DYM: variants seen among roughly 807,000 people sequenced by gnomAD.
DYM encodes dymeclin.
A neutral mutation model predicts 93.1 loss-of-function variants in DYM; 78 were observed. The ratio of observed to expected loss-of-function variants is 0.84; its 90% CI spans 0.70 to 1.01. The LOEUF (loss-of-function observed/expected upper bound fraction) is 1.01, where lower values mean the gene tolerates loss of function less well. DYM is among the 50% of genes least tolerant of loss of function. The pLI is 0.00. For missense variants in DYM, 789 were observed against 845.0 expected, an observed-to-expected ratio of 0.93 and a Z score of 0.82; for synonymous variants, 321 against 319.7, an observed-to-expected ratio of 1.00 and a Z score of -0.04.
chr18:49,099,375 T>C (rs16950335), intron 16 of DYM, among the ~76,000 whole-genome samples: 2,343 of 152,286 alleles, frequency 0.015, 58 homozygotes, highest in African/African-American at 0.053. Flanking sequence ...AGGGACCTTC[T>C]ATTATACATC....
At chr18:49,146,218 A>G (rs1054325090) in intron 15 of DYM, among the ~76,000 whole-genome samples, 2 of 152,238 alleles carry the variant, frequency 1.3e-5, no homozygotes, top group African/African-American at 4.8e-5. Flanking sequence ...GCTATTTATG[A>G]CAAACCCACA....
At chr18:49,393,604 C>T (rs1265499966) in intron 2 of DYM, 2 of 152,100 alleles carry the variant, frequency 1.3e-5, no homozygotes, top group Non-Finnish European at 2.9e-5. Context: ...AACCCCATCT[C>T]TACTAAAAAT....
intron 6 of DYM, among the ~76,000 whole-genome samples, chr18:49,361,490 T>G (rs1416959557): frequency 6.6e-6 from 1 of 152,240 alleles, no homozygotes; most frequent in Non-Finnish European, 1.5e-5. Context: ...ATTTCAAAAA[T>G]AATTCCTTGT....
At chr18:49,133,132 C>T (rs191320933) in intron 15 of DYM, among the ~76,000 whole-genome samples, 3 of 152,262 alleles carry the variant, frequency 2.0e-5, no homozygotes, top group African/African-American at 7.2e-5. Flanking sequence ...AGATGGCATT[C>T]TCAACAGAGC....
rs1358389908 is a variant in DYM at position 49,286,491 on chromosome 18, C to A, written c.889G>T (p.Ala297Ser). 1.2e-6 allele frequency: 2 copies of A among 1,614,038 alleles called. No homozygotes were observed. Among genetic ancestry groups the A allele is most frequent in the African/African-American group, 2.7e-5 (2 of 74,930 alleles). Residue 297 changes from alanine (A) to serine (S), a missense_variant, in exon 9 of 18, where the codon GCC (alanine) becomes TCC (serine). By Grantham distance (99) the Ala-to-Ser change is moderately conservative. Transcript: ENST00000675505. ...CTGTAGGGGTTTGGCGCATCTGAGG[C>A]ATCTGTCAGATTGGCCAACACCAGC... ...LLLVLANLTD[A>S]SDAPNPYRQA...
intron 14 of DYM, among the ~76,000 whole-genome samples, chr18:49,187,044 C>CT (rs2090511064): frequency 6.6e-6 from 1 of 151,610 alleles, no homozygotes; most frequent in Non-Finnish European, 1.5e-5. Context: ...CTCAGCCGTC[C>CT]GAGTAGCTGG....
chr18:49,451,359 T>A (rs1215856727), intron 1 of DYM, among the ~76,000 whole-genome samples: 1 of 152,210 alleles, frequency 6.6e-6, no homozygotes, highest in Non-Finnish European at 1.5e-5. Context: ...AGTGTATGCT[T>A]CCCTTTAAGG....
intron 8 of DYM, among the ~76,000 whole-genome samples, chr18:49,329,289 TG>T (rs1292695431): frequency 5.0e-4 from 4 of 7,982 alleles, no homozygotes; most frequent in South Asian, 3.7e-3. Context: ...TGTTGTGGGG[TG>T]GGGGGGAGGG....
chr18:49,068,914 T>A (rs928571131), intron 17 of DYM, among the ~76,000 whole-genome samples: 12 of 152,270 alleles, frequency 7.9e-5, no homozygotes, highest in African/African-American at 2.9e-4. Context: ...TGATGTTTTT[T>A]CATAAATACA....
chr18:49,413,334 C>T (rs916289344), intron 2 of DYM, among the ~76,000 whole-genome samples: 1 of 152,124 alleles, frequency 6.6e-6, no homozygotes, highest in Non-Finnish European at 1.5e-5. Context: ...AATAACAGAA[C>T]TAAAAAAATG....
intron 15 of DYM, among the ~76,000 whole-genome samples, chr18:49,156,732 CAAAAA>C (rs1224742522): frequency 1.6e-5 from 1 of 63,192 alleles, no homozygotes; most frequent in African/African-American, 5.2e-5. Flanking sequence ...AACGCTGTCT[CAAAAA>C]AAAAAAAAAA....
At chr18:49,055,643 A>T (rs1438093045) in intron 17 of DYM, among the ~76,000 whole-genome samples, 1 of 152,148 alleles carries the variant, frequency 6.6e-6, no homozygotes, top group Non-Finnish European at 1.5e-5. Flanking sequence ...TTCTCAACAG[A>T]TTGGGTGGGA....
chr18:49,325,810 T>C (rs1346548137), intron 8 of DYM, among the ~76,000 whole-genome samples: 1 of 152,226 alleles, frequency 6.6e-6, no homozygotes, highest in Non-Finnish European at 1.5e-5. Flanking sequence ...ACTGCACTCA[T>C]TGTCAGATTT....
At chr18:49,184,178 C>T (rs1160201366) in intron 14 of DYM, among the ~76,000 whole-genome samples, 1 of 152,092 alleles carries the variant, frequency 6.6e-6, no homozygotes, top group African/African-American at 2.4e-5. Flanking sequence ...CAAGTTAGGG[C>T]TCTTGGGTCT....
At chr18:49,275,489 C>T (rs898256715) in intron 10 of DYM, among the ~76,000 whole-genome samples, 3 of 152,114 alleles carry the variant, frequency 2.0e-5, no homozygotes, top group Non-Finnish European at 4.4e-5. Flanking sequence ...ATCATCTTGT[C>T]AATCTCTATA....
At chr18:49,272,100 T>C (rs1245976756) in intron 11 of DYM, 78 bp downstream of exon 11, 4 of 1,303,024 alleles carry the variant, frequency 3.1e-6, no homozygotes, top group Non-Finnish European at 3.3e-6. Flanking sequence ...CAGAAAGAAA[T>C]GTAAAGACTA....
chr18:49,097,589 G>A (rs1599721842), intron 16 of DYM, 74 bp from the exon 17 acceptor site: 1 of 1,248,834 alleles, frequency 8.0e-7, no homozygotes, highest in Non-Finnish European at 1.1e-6. Flanking sequence ...TTTCTCACAT[G>A]GTAGTCAAAC....
intron 15 of DYM, among the ~76,000 whole-genome samples, chr18:49,148,546 G>A (rs1022771553): frequency 5.3e-5 from 8 of 151,822 alleles, no homozygotes; most frequent in South Asian, 2.1e-4. Flanking sequence ...TGCAAGCCCC[G>A]GCACCAAGCC....
intron 8 of DYM, among the ~76,000 whole-genome samples, chr18:49,291,926 C>T (rs2060136367): frequency 6.6e-6 from 1 of 152,076 alleles, no homozygotes; most frequent in Non-Finnish European, 1.5e-5. Context: ...CATTTAAAGC[C>T]ATTTTCTTCC....
Sources: allele counts gnomAD v4.1 joint callset (sites outside exome capture counted in the v4.1 genomes callset), GRCh38; gene constraint gnomAD v4.1.1; transcripts MANE v1.5; gene names NCBI Gene and HGNC (gene_info 2026-07-23, HGNC 2026-07-21).